TACR1: variants seen among roughly 807,000 people sequenced by gnomAD.
TACR1 encodes the protein tachykinin receptor 1, also known as substance-P receptor.
TACR1 carries 25 observed loss-of-function variants against 35.8 expected under a neutral mutation model. The ratio of observed to expected loss-of-function variants is 0.70; its 90% CI spans 0.51 to 0.98. The LOEUF is 0.98. Among genes scored for constraint, TACR1 ranks in the 50% least tolerant of loss-of-function variants. The pLI, the probability that TACR1 is intolerant of heterozygous loss-of-function variation, is 0.00. For missense variants in TACR1, 478 were observed against 522.9 expected (o/e 0.91, Z 0.84); for synonymous variants, 195 against 206.7 (o/e 0.94, Z 0.48).
intron 2 of TACR1, among the ~76,000 whole-genome samples, chr2:75,075,138 C>T (rs190956914): frequency 2.6e-5 from 4 of 152,320 alleles, no homozygotes; most frequent in East Asian, 3.9e-4. Flanking sequence ...AGCTGAGAAG[C>T]GGCATTCTAC....
At chr2:75,085,743 C>G (rs73935523) in intron 2 of TACR1, among the ~76,000 whole-genome samples, 70 of 152,234 alleles carry the variant, frequency 4.6e-4, no homozygotes, top group African/African-American at 1.6e-3. Flanking sequence ...TCCTTCCAGT[C>G]CCAACCACTC....
At chr2:75,181,261 T>C (rs1299156084) in intron 1 of TACR1, among the ~76,000 whole-genome samples, 1 of 152,086 alleles carries the variant, frequency 6.6e-6, no homozygotes, top group Non-Finnish European at 1.5e-5. Context: ...CAAAAACAAA[T>C]ATGAATTTAA....
chr2:75,070,965 G>GA lies in TACR1; in HGVS notation c.585-17211dup, dbSNP rs888452502. Among the ~76,000 whole-genome samples the GA allele has an allele frequency of 1.2e-4, 18 of 148,528 alleles. No homozygotes were observed. The East Asian group carries it at 1.4e-3, about 11-fold the overall frequency. On this transcript the variant is annotated intron_variant, in intron 2 of 4. Coordinates refer to ENST00000305249, the MANE Select transcript of TACR1 (RefSeq NM_001058.4). ...GTTTTTATATTTTTAAATGACCAGGGAAAAAAAAACAAAGAAGAATATTGT... is the reference window on the plus strand; with the variant it reads ...GTTTTTATATTTTTAAATGACCAGGGAAAAAAAAAACAAAGAAGAATATTGT...
At chr2:75,145,649 G>A (rs1046446545) in intron 1 of TACR1, among the ~76,000 whole-genome samples, 5 of 152,142 alleles carry the variant, frequency 3.3e-5, no homozygotes, top group Admixed American at 6.5e-5. Flanking sequence ...ACATAAACAC[G>A]TACTGAAATA....
chr2:75,120,801 C>G (rs567842935), intron 1 of TACR1, 33 bp from the exon 2 acceptor site: 1 of 1,529,070 alleles, frequency 6.5e-7, no homozygotes, highest in Admixed American at 2.0e-5. Flanking sequence ...AAGTTCTGAT[C>G]TGGTCACCAA....
rs148358915 is a variant in TACR1, at chr2:75,173,078, G to T, written c.389+25468C>A. Among the ~76,000 whole-genome samples, 1,035 of 152,204 alleles carry T rather than the reference G, an allele frequency of 6.8e-3. 13 individuals carry two copies. The highest frequency in any genetic ancestry group is 0.024 in the African/African-American group (990 of 41,536). On this transcript the variant is annotated intron_variant, in intron 1 of 4. Transcript: ENST00000305249. ...AACTTCAACTTATGAATCTTGGGGTGGGGGGTCAGGAACGGACACAATTCA... is the reference window on the plus strand; with the variant it reads ...AACTTCAACTTATGAATCTTGGGGTTGGGGGTCAGGAACGGACACAATTCA...
intron 1 of TACR1, among the ~76,000 whole-genome samples, chr2:75,142,046 T>C (rs543182563): frequency 6.6e-6 from 1 of 152,330 alleles, no homozygotes; most frequent in South Asian, 2.1e-4. Flanking sequence ...GACAATCTGC[T>C]TTCAGCCCTC....
At chr2:75,183,519 C>T (rs1256084760) in intron 1 of TACR1, among the ~76,000 whole-genome samples, 1 of 152,154 alleles carries the variant, frequency 6.6e-6, no homozygotes, top group Admixed American at 6.5e-5. Context: ...TTATCTGTTA[C>T]GTTTCCCTGG....
chr2:75,144,156 C>A (rs1293995247), intron 1 of TACR1, among the ~76,000 whole-genome samples: 4 of 152,300 alleles, frequency 2.6e-5, no homozygotes, highest in Admixed American at 2.6e-4. Flanking sequence ...ACTACTGGGA[C>A]AATAAGTGTG....
intron 2 of TACR1, among the ~76,000 whole-genome samples, chr2:75,109,575 A>G (rs1410593470): frequency 6.6e-6 from 1 of 152,226 alleles, no homozygotes; most frequent in Non-Finnish European, 1.5e-5. Context: ...AATTCAAAGT[A>G]ATTCCATATT....
chr2:75,050,166 A>G (rs765721270), intron 4 of TACR1, among the ~76,000 whole-genome samples: 1 of 152,206 alleles, frequency 6.6e-6, no homozygotes, highest in Non-Finnish European at 1.5e-5. Flanking sequence ...ACTCTCTGCC[A>G]ATCATGTTTC....
intron 2 of TACR1, among the ~76,000 whole-genome samples, chr2:75,071,919 G>A (rs1672890446): frequency 6.6e-6 from 1 of 152,214 alleles, no homozygotes. Context: ...TCACTCATGA[G>A]CAATTTCAGT....
At chr2:75,195,619 T>C (rs1189954533) in intron 1 of TACR1, among the ~76,000 whole-genome samples, 1 of 152,216 alleles carries the variant, frequency 6.6e-6, no homozygotes, top group Non-Finnish European at 1.5e-5. Context: ...TTTTAAAAAT[T>C]CATTTTATTT....
At chr2:75,187,949 C>A (rs1675747431) in intron 1 of TACR1, 1 of 152,174 alleles carries the variant, frequency 6.6e-6, no homozygotes, top group Non-Finnish European at 1.5e-5. Context: ...CTTCCAGACC[C>A]CTCATCATTC....
At chr2:75,178,229 G>A (rs1675475040) in intron 1 of TACR1, among the ~76,000 whole-genome samples, 3 of 151,228 alleles carry the variant, frequency 2.0e-5, no homozygotes, top group African/African-American at 7.3e-5. Flanking sequence ...TTGTTGCCCA[G>A]GCTGGAGTGC....
chr2:75,123,449 C>A (rs115749547), intron 1 of TACR1, among the ~76,000 whole-genome samples: 1,905 of 152,232 alleles, frequency 0.013, 34 homozygotes, highest in African/African-American at 0.043. Flanking sequence ...GGGATTGCAC[C>A]AGCGTATTGG....
At chr2:75,139,732 G>C (rs1674363853) in intron 1 of TACR1, among the ~76,000 whole-genome samples, 1 of 152,178 alleles carries the variant, frequency 6.6e-6, no homozygotes, top group African/African-American at 2.4e-5. Context: ...CTGAAGATAA[G>C]GGATTTGAGA....
chr2:75,167,498 C>T (rs559359573), intron 1 of TACR1, among the ~76,000 whole-genome samples: 1 of 152,280 alleles, frequency 6.6e-6, no homozygotes, highest in South Asian at 2.1e-4. Context: ...ACAAACCCTA[C>T]TACTTACAAG....
intron 2 of TACR1, among the ~76,000 whole-genome samples, chr2:75,064,838 A>G (rs530175737): frequency 5.3e-4 from 80 of 152,226 alleles, no homozygotes; most frequent in Non-Finnish European, 9.8e-4. Context: ...ACTCTTTCCC[A>G]GAGTGGAGAC....
Sources: gnomAD v4.1 joint callset for allele counts (sites outside exome capture counted in the v4.1 genomes callset) on GRCh38, gnomAD v4.1.1 for gene constraint, MANE v1.5 for transcripts, NCBI Gene and HGNC (gene_info 2026-07-23, HGNC 2026-07-21) for gene names.